Variants in AKAP6 observed in about 807,000 individuals in gnomAD.
The protein encoded by AKAP6 is A-kinase anchoring protein 6.
Under a neutral mutation model 188.5 loss-of-function variants are expected in AKAP6, and 58 were observed. That is an observed-to-expected ratio of 0.31 (90% CI 0.25 to 0.38). The LOEUF is 0.38. Ranked by LOEUF, AKAP6 falls within the 10% of genes least tolerant of loss-of-function variation. The probability of loss-of-function intolerance (pLI) is 1.00; values close to 1 mark genes in which losing one functional copy is unlikely to be tolerated. For synonymous variants in AKAP6, 989 were observed against 998.6 expected (o/e 0.99, Z 0.18); for missense variants, 2,710 against 2,740.0 (o/e 0.99, Z 0.24).
intron 11 of AKAP6, among the ~76,000 whole-genome samples, chr14:32,751,356 C>A (rs1266605139): frequency 6.6e-6 from 1 of 152,016 alleles, no homozygotes; most frequent in Non-Finnish European, 1.5e-5. Context: ...CTAAGGGCAG[C>A]ATAATCTTTT....
intron 8 of AKAP6, among the ~76,000 whole-genome samples, chr14:32,686,148 G>A (rs1261827858): frequency 1.3e-5 from 2 of 152,258 alleles, no homozygotes; most frequent in Admixed American, 6.5e-5. Context: ...CGACGTGATG[G>A]AGCTGGAGGT....
intron 1 of AKAP6, among the ~76,000 whole-genome samples, chr14:32,345,395 A>C (rs991312917): frequency 6.6e-6 from 1 of 152,214 alleles, no homozygotes. Flanking sequence ...CTTGGAAATG[A>C]TTACATGACT....
chr14:32,605,000 G>T (rs1228820573), intron 7 of AKAP6, among the ~76,000 whole-genome samples: 1 of 152,070 alleles, frequency 6.6e-6, no homozygotes, highest in Non-Finnish European at 1.5e-5. Context: ...ACAGGCCCCA[G>T]TGTGTGTTGT....
At chr14:32,792,696 T>C (rs1220793562) in intron 12 of AKAP6, among the ~76,000 whole-genome samples, 1 of 152,170 alleles carries the variant, frequency 6.6e-6, no homozygotes, top group East Asian at 1.9e-4. Context: ...TGTCTTATGC[T>C]GGTTTTCAAA....
intron 1 of AKAP6, among the ~76,000 whole-genome samples, chr14:32,423,518 A>G (rs1889924333): frequency 6.6e-6 from 1 of 152,138 alleles, no homozygotes; most frequent in South Asian, 2.1e-4. Context: ...TAGAATACTT[A>G]TTAACACCTG....
chr14:32,452,318 G>A (rs1890969639), intron 2 of AKAP6, among the ~76,000 whole-genome samples: 1 of 152,088 alleles, frequency 6.6e-6, no homozygotes, highest in Admixed American at 6.5e-5. Flanking sequence ...ACAGGTGTGG[G>A]CCACCATGCC....
At chr14:32,494,823 T>C (rs1880225938) in intron 2 of AKAP6, among the ~76,000 whole-genome samples, 1 of 152,060 alleles carries the variant, frequency 6.6e-6, no homozygotes, top group African/African-American at 2.4e-5. Flanking sequence ...TCTCTGTGGG[T>C]TTTTAAAGAT....
intron 1 of AKAP6, among the ~76,000 whole-genome samples, chr14:32,398,646 T>C (rs1218432224): frequency 6.6e-6 from 1 of 152,150 alleles, no homozygotes; most frequent in South Asian, 2.1e-4. Context: ...TCTGTGAATA[T>C]GTAAACACAT....
At chr14:32,558,549 T>C (rs1360279010) in intron 4 of AKAP6, among the ~76,000 whole-genome samples, 1 of 152,226 alleles carries the variant, frequency 6.6e-6, no homozygotes, top group Non-Finnish European at 1.5e-5. Flanking sequence ...AACTTGTGCA[T>C]ATGCCAGGGT....
At chr14:32,456,474 T>A (rs1891149778) in intron 2 of AKAP6, among the ~76,000 whole-genome samples, 1 of 152,194 alleles carries the variant, frequency 6.6e-6, no homozygotes, top group African/African-American at 2.4e-5. Flanking sequence ...AATACAACTG[T>A]TTTCAGAAGT....
At chr14:32,675,815 A>G (rs527836374) in intron 7 of AKAP6, among the ~76,000 whole-genome samples, 58 of 152,352 alleles carry the variant, frequency 3.8e-4, no homozygotes, top group African/African-American at 1.3e-3. Flanking sequence ...AGTTACTCTC[A>G]GCTTTGTTCT....
chr14:32,544,330 C>T (rs1228816622), intron 3 of AKAP6, among the ~76,000 whole-genome samples: 3 of 152,182 alleles, frequency 2.0e-5, no homozygotes, highest in Non-Finnish European at 4.4e-5. Flanking sequence ...CTACCCCAAA[C>T]AAATCATCAG....
In AKAP6 at chr14:32,453,248, G is replaced by T. The variant is rs376190937; in HGVS notation, c.324+19431G>T. ...CTCATTCTACAGATGAGAAAGCAGA[G>T]GCCCCGAGAAGTTGAATTCTCATGT... On this transcript the variant is annotated intron_variant, in intron 2 of 13. Coordinates refer to ENST00000280979, the MANE Select transcript of AKAP6 (RefSeq NM_004274.5). Among the ~76,000 whole-genome samples the T allele has an allele frequency of 2.1e-3, 325 of 152,280 alleles. 2 individuals are homozygous for T. Among genetic ancestry groups the T allele is most frequent in the African/African-American group, 7.4e-3 (307 of 41,564 alleles).
Position 32,834,922 on chromosome 14 carries a change from GAGC to G in AKAP6, c.*5118_*5120del, listed in dbSNP as rs2140180119. The G allele has an allele frequency of 6.6e-6, 1 of 152,278 alleles. No individual in the cohort carries two copies. Among genetic ancestry groups the G allele is most frequent in the Admixed American group, 6.5e-5 (1 of 15,294 alleles). 9.4% of individuals were successfully genotyped at this position (152,278 alleles called of 1,614,324 possible). ...GGTTTGACCCATTTGAACAATTGACGAGCTTCAAACAATTTTTACATTTTTTAG... is the reference window on the plus strand; with the variant it reads ...GGTTTGACCCATTTGAACAATTGACGTTCAAACAATTTTTACATTTTTTAG... On this transcript the variant is annotated 3_prime_UTR_variant, in exon 14 of 14. Coordinates refer to ENST00000280979, the MANE Select transcript of AKAP6 (RefSeq NM_004274.5).
chr14:32,571,850 G>T (rs1252595956), intron 4 of AKAP6, among the ~76,000 whole-genome samples: 1 of 152,168 alleles, frequency 6.6e-6, no homozygotes, highest in Non-Finnish European at 1.5e-5. Flanking sequence ...GGTAGAATGG[G>T]CTCATTCAAG....
intron 2 of AKAP6, among the ~76,000 whole-genome samples, chr14:32,534,164 A>T (rs1882562359): frequency 6.6e-6 from 1 of 152,202 alleles, no homozygotes; most frequent in South Asian, 2.1e-4. Flanking sequence ...AAAGTAACTG[A>T]ATTACATGAA....
At chr14:32,825,693 C>T (rs1241813988) in intron 13 of AKAP6, among the ~76,000 whole-genome samples, 12 of 152,082 alleles carry the variant, frequency 7.9e-5, no homozygotes, top group African/African-American at 2.7e-4. Flanking sequence ...CTTTCTCAAT[C>T]AAGTTTAAAG....
intron 7 of AKAP6, among the ~76,000 whole-genome samples, chr14:32,645,989 G>A (rs1566623635): frequency 6.6e-6 from 1 of 152,044 alleles, no homozygotes; most frequent in Non-Finnish European, 1.5e-5. Flanking sequence ...CTACCATGAT[G>A]GCATTATATT....
chr14:32,626,511 G>A (rs1000688109), intron 7 of AKAP6, among the ~76,000 whole-genome samples: 10 of 152,028 alleles, frequency 6.6e-5, no homozygotes, highest in African/African-American at 1.7e-4. Flanking sequence ...GATCCAGCAC[G>A]AAATCGCTTC....
Sources: gnomAD v4.1 joint callset for allele counts (sites outside exome capture counted in the v4.1 genomes callset) on GRCh38, gnomAD v4.1.1 for gene constraint, MANE v1.5 for transcripts, NCBI Gene and HGNC (gene_info 2026-07-23, HGNC 2026-07-21) for gene names.